DLG2: variants seen among roughly 807,000 people sequenced by gnomAD.
DLG2 encodes the protein discs large MAGUK scaffold protein 2, also known as disks large homolog 2.
DLG2 carries 45 observed loss-of-function variants against 132.5 expected under a neutral mutation model. The observed-to-expected ratio is 0.34, with a 90% CI of 0.27 to 0.44. DLG2 has a LOEUF of 0.44. Among genes scored for constraint, DLG2 ranks in the 20% least tolerant of loss-of-function variants. The pLI is 1.00. For synonymous variants in DLG2, 424 were observed against 419.6 expected, an observed-to-expected ratio of 1.01 and a Z score of -0.13; for missense variants, 1,045 against 1,196.9, an observed-to-expected ratio of 0.87 and a Z score of 1.87.
chr11:84,861,627 AAAAAAAAAAAAAC>A (rs1480997876), intron 6 of DLG2, among the ~76,000 whole-genome samples: 942 of 73,592 alleles, frequency 0.013, 20 homozygotes, highest in African/African-American at 0.024. Context: ...GCAAAAAAAA[AAAAAAAAAAAAAC>A]AAAAAAAAAA....
intron 3 of DLG2, among the ~76,000 whole-genome samples, chr11:85,577,371 T>G (rs754054847): frequency 6.6e-6 from 1 of 151,948 alleles, no homozygotes; most frequent in Admixed American, 6.6e-5. Flanking sequence ...GATTTGCAAA[T>G]AGATTGTATT....
intron 17 of DLG2, chr11:83,790,583 T>C (rs1432449498): frequency 5.6e-5 from 74 of 1,318,050 alleles, no homozygotes; most frequent in Non-Finnish European, 7.9e-5. Context: ...TGTGGGCTTC[T>C]GTGCCAGTAA....
At position 84,273,394 on chromosome 11, in the gene DLG2, TA is replaced by T. The variant is rs752558196; in HGVS notation, c.520-22104del. The T allele has an allele frequency of 3.8e-4, 478 of 1,253,208 alleles. 2 individuals are homozygous for T. The highest frequency in any genetic ancestry group is 1.0e-3 in the South Asian group (40 of 39,358). 77.6% of individuals were successfully genotyped at this position (1,253,208 alleles called of 1,614,324 possible). A position where few individuals can be genotyped will look rare whatever the true frequency, so the allele number is the denominator to read the frequency against. ...CTACACAAACTGCTATCTTAAGACT[TA>T]AAAAAAAAGTTAATCAGAACATTTC... On this transcript the variant is annotated intron_variant, in intron 7 of 27. Coordinates refer to ENST00000376104, the MANE Select transcript of DLG2 (RefSeq NM_001142699.3).
At chr11:83,877,276 A>AT (rs982582191) in intron 15 of DLG2, among the ~76,000 whole-genome samples, 3 of 151,970 alleles carry the variant, frequency 2.0e-5, no homozygotes, top group Admixed American at 6.6e-5. Flanking sequence ...GAGAATGACC[A>AT]TTTTTTTCCG....
intron 7 of DLG2, among the ~76,000 whole-genome samples, chr11:84,394,813 G>A (rs1475517835): frequency 6.6e-6 from 1 of 151,942 alleles, no homozygotes; most frequent in Non-Finnish European, 1.5e-5. Flanking sequence ...GTAGAGATGG[G>A]GTTTCACCCA....
chr11:85,006,024 A>G (rs2058630632), intron 6 of DLG2, among the ~76,000 whole-genome samples: 2 of 152,080 alleles, frequency 1.3e-5, no homozygotes, highest in South Asian at 4.2e-4. Flanking sequence ...GATGGACTAC[A>G]TTTATTGATT....
chr11:83,570,050 T>C (rs1383524204), intron 19 of DLG2, among the ~76,000 whole-genome samples: 1 of 152,232 alleles, frequency 6.6e-6, no homozygotes, highest in Non-Finnish European at 1.5e-5. Context: ...GGCTGGTCAC[T>C]TCATGCACTT....
intron 6 of DLG2, among the ~76,000 whole-genome samples, chr11:84,749,287 C>T (rs1295998036): frequency 6.6e-6 from 1 of 152,120 alleles, no homozygotes; most frequent in Non-Finnish European, 1.5e-5. Flanking sequence ...TTTGCAACTT[C>T]TCAATCAAAT....
intron 4 of DLG2, among the ~76,000 whole-genome samples, chr11:85,169,788 G>T (rs951138023): frequency 2.0e-5 from 3 of 152,166 alleles, no homozygotes; most frequent in Non-Finnish European, 2.9e-5. Flanking sequence ...TTCAGATAAA[G>T]AACCTTCAGA....
At chr11:84,760,680 G>T (rs1277509711) in intron 6 of DLG2, among the ~76,000 whole-genome samples, 1 of 152,040 alleles carries the variant, frequency 6.6e-6, no homozygotes, top group Non-Finnish European at 1.5e-5. Context: ...TGAGTATTTG[G>T]GTTACAGGGA....
intron 6 of DLG2, among the ~76,000 whole-genome samples, chr11:84,542,481 C>T (rs2099377320): frequency 6.6e-6 from 1 of 152,118 alleles, no homozygotes; most frequent in Admixed American, 6.5e-5. Context: ...AGGGTAAGAA[C>T]CCTGACATGT....
intron 9 of DLG2, among the ~76,000 whole-genome samples, chr11:84,125,856 A>T (rs2094145528): frequency 6.6e-6 from 1 of 152,226 alleles, no homozygotes; most frequent in African/African-American, 2.4e-5. Context: ...TTCTAGTGTG[A>T]TTGTTAAATA....
chr11:84,375,830 A>G (rs2098726884), intron 7 of DLG2, among the ~76,000 whole-genome samples: 1 of 152,070 alleles, frequency 6.6e-6, no homozygotes, highest in Non-Finnish European at 1.5e-5. Flanking sequence ...TATCATACAT[A>G]CTTTGTAAGC....
At chr11:85,019,397 A>T (rs2154139025) in intron 6 of DLG2, among the ~76,000 whole-genome samples, 1 of 152,174 alleles carries the variant, frequency 6.6e-6, no homozygotes, top group East Asian at 1.9e-4. Context: ...TCTGGTGAAA[A>T]ATTTCAACTT....
In DLG2 at chr11:83,979,681, G is replaced by A. The variant is rs1383141315; in HGVS notation, c.1056+825C>T. ...GAAATAGCTATAACCCTGTCTAAGG[G>A]GAGGAAAGGAAGAGATCCATTTACA... is the stretch of plus-strand genomic sequence containing the variant. On this transcript the variant is annotated intron_variant, in intron 12 of 27. Transcript: ENST00000376104. Among the ~76,000 whole-genome samples, 3 of 152,116 alleles carry A rather than the reference G, an allele frequency of 2.0e-5. No homozygotes were observed. In the East Asian group the frequency reaches 5.8e-4, roughly 29 times the overall value.
chr11:85,300,076 G>A (rs940708581), intron 3 of DLG2, among the ~76,000 whole-genome samples: 1 of 152,076 alleles, frequency 6.6e-6, no homozygotes, highest in African/African-American at 2.4e-5. Flanking sequence ...AGTATTGACT[G>A]TGTGCCTTGT....
intron 7 of DLG2, among the ~76,000 whole-genome samples, chr11:84,482,216 A>T (rs1239275391): frequency 1.3e-5 from 2 of 152,218 alleles, no homozygotes; most frequent in African/African-American, 4.8e-5. Context: ...ATAAGCAAAA[A>T]AGAATAAATG....
chr11:85,573,703 T>G (rs1195831853), intron 3 of DLG2, among the ~76,000 whole-genome samples: 1 of 152,212 alleles, frequency 6.6e-6, no homozygotes, highest in Non-Finnish European at 1.5e-5. Context: ...CGTTTTTATT[T>G]AAATTACATA....
chr11:83,574,348 G>A (rs1287304730), intron 19 of DLG2, among the ~76,000 whole-genome samples: 1 of 152,114 alleles, frequency 6.6e-6, no homozygotes, highest in Admixed American at 6.6e-5. Flanking sequence ...AGATATATAT[G>A]TAGGGACTAA....
Sources: gnomAD v4.1 joint callset for allele counts (sites outside exome capture counted in the v4.1 genomes callset) on GRCh38, gnomAD v4.1.1 for gene constraint, MANE v1.5 for transcripts, NCBI Gene and HGNC (gene_info 2026-07-23, HGNC 2026-07-21) for gene names.